Variants in VWF observed in about 807,000 individuals in gnomAD.
VWF encodes the protein von Willebrand factor.
VWF carries 176 observed loss-of-function variants against 308.6 expected under a neutral mutation model. That is an observed-to-expected ratio of 0.57 (90% CI 0.50 to 0.65). The LOEUF (loss-of-function observed/expected upper bound fraction) is 0.65. VWF is among the 30% of genes least tolerant of loss of function. The pLI, the probability that VWF is intolerant of heterozygous loss-of-function variation, is 0.00. For synonymous variants in VWF, 1,385 were observed against 1,443.4 expected, an observed-to-expected ratio of 0.96 and a Z score of 0.92; for missense variants, 3,146 against 3,648.2, an observed-to-expected ratio of 0.86 and a Z score of 3.55.
intron 16 of VWF, among the ~76,000 whole-genome samples, chr12:6,051,757 G>A (rs1591885844): frequency 6.6e-6 from 1 of 152,244 alleles, no homozygotes; most frequent in East Asian, 1.9e-4. Flanking sequence ...CTACAGGTAT[G>A]CACCACCATG....
intron 47 of VWF, among the ~76,000 whole-genome samples, chr12:5,964,024 G>A (rs570524192): frequency 1.6e-3 from 241 of 152,062 alleles, no homozygotes; most frequent in Non-Finnish European, 2.5e-3. Context: ...TGGTTAACAC[G>A]GTGAAACCCC....
intron 5 of VWF, among the ~76,000 whole-genome samples, chr12:6,097,914 T>C (rs904574961): frequency 1.7e-4 from 26 of 152,254 alleles, no homozygotes; most frequent in Non-Finnish European, 3.4e-4. Context: ...GGAGGCTTCA[T>C]GTTGTTGCCT....
In VWF at chr12:6,103,545, TACACACACACACACACAC is replaced by T. The variant is rs139889348; in HGVS notation, c.532+6811_532+6828del. Among the ~76,000 whole-genome samples the T allele has an allele frequency of 1.0e-3, 129 of 124,196 alleles. 7 individuals carry two copies. Among genetic ancestry groups the T allele is most frequent in the African/African-American group, 4.4e-3 (125 of 28,638 alleles). The allele number at this position is 124,196 out of a possible 152,430, so 81.5% of individuals were successfully genotyped here. On this transcript the variant is annotated intron_variant, in intron 5 of 51. Transcript: ENST00000261405. ...ATATGTGTATATACACATATATGTA[TACACACACACACACACAC>T]ACACACACACACACACACACAGATC...
chr12:6,075,480 G>A lies in VWF; in HGVS notation c.729C>T (p.Pro243=), dbSNP rs754315625. Reference sequence around the variant, plus strand: ...TCTCACACAGGGCCACAAAAGGCTCGGGGTCCACCAGAGGGTGGCAGCGGG... The same window carrying A: ...TCTCACACAGGGCCACAAAAGGCTCAGGGTCCACCAGAGGGTGGCAGCGGG... ...VFARCHPLVD[P]EPFVALCEKT... is the part of the protein sequence containing the mutation. Residue 243 remains proline, a synonymous_variant, in exon 7 of 52, where the codon CCC becomes CCT. Coordinates refer to ENST00000261405, the MANE Select transcript of VWF (RefSeq NM_000552.5). The surrounding 1 kb of genome is among the most constrained non-coding windows in gnomAD (Gnocchi z 4.7). 1.4e-5 allele frequency: 23 copies of A among 1,614,048 alleles called. No individual in the cohort carries two copies. The Middle Eastern group carries it at 6.6e-4, about 46-fold the overall frequency.
chr12:5,970,386 G>A (rs935452479), intron 44 of VWF, among the ~76,000 whole-genome samples: 2 of 152,142 alleles, frequency 1.3e-5, no homozygotes, highest in African/African-American at 4.8e-5. Flanking sequence ...CACTGATGAG[G>A]GGCAGGGTGG....
intron 47 of VWF, among the ~76,000 whole-genome samples, chr12:5,960,269 T>C (rs1025938526): frequency 6.6e-6 from 1 of 151,878 alleles, no homozygotes; most frequent in Non-Finnish European, 1.5e-5. Flanking sequence ...CCAACTTAAA[T>C]ACACGGATAA....
intron 3 of VWF, among the ~76,000 whole-genome samples, chr12:6,118,222 G>A (rs1796473648): frequency 6.6e-6 from 1 of 151,994 alleles, no homozygotes; most frequent in Non-Finnish European, 1.5e-5. Context: ...CTGTGCCTGG[G>A]ACTAAGGTAT....
At chr12:6,023,889 G>T in intron 24 of VWF, 102 bp from the exon 25 acceptor site, 2 of 1,361,368 alleles carry the variant, frequency 1.5e-6, no homozygotes, top group East Asian at 2.4e-5. Context: ...TAAGGATAAG[G>T]GGGTCCAGGT....
chr12:6,073,086 C>T (rs1163238248), intron 8 of VWF, among the ~76,000 whole-genome samples: 1 of 152,134 alleles, frequency 6.6e-6, no homozygotes, highest in Non-Finnish European at 1.5e-5. Context: ...AGGCTGGTCT[C>T]AAACTCCTGA....
At chr12:5,982,063 G>C (rs1157739883) in intron 41 of VWF, 72 bp from the exon 42 acceptor site, 1 of 1,465,660 alleles carries the variant, frequency 6.8e-7, no homozygotes, top group Admixed American at 1.8e-5. Flanking sequence ...TATGCTATAG[G>C]GTGCCAGGGA....
intron 17 of VWF, 103 bp from the exon 18 acceptor site, chr12:6,044,554 A>G: frequency 6.9e-7 from 1 of 1,449,854 alleles, no homozygotes; most frequent in Non-Finnish European, 9.4e-7. Flanking sequence ...AATTCAAGAG[A>G]CTCAGAGTTG....
intron 34 of VWF, among the ~76,000 whole-genome samples, chr12:6,005,501 A>G (rs557639588): frequency 6.6e-6 from 1 of 152,314 alleles, no homozygotes; most frequent in Admixed American, 6.5e-5. Flanking sequence ...GAAAATAGAC[A>G]TCCAGCTTCA....
intron 19 of VWF, 94 bp downstream of exon 19, chr12:6,036,294 G>T: frequency 9.4e-7 from 1 of 1,069,072 alleles, no homozygotes; most frequent in Non-Finnish European, 1.4e-6. Context: ...CCCACAGGGG[G>T]CTGGAGGCAA....
intron 13 of VWF, among the ~76,000 whole-genome samples, chr12:6,059,547 G>T (rs1177526628): frequency 6.6e-6 from 1 of 152,178 alleles, no homozygotes; most frequent in Admixed American, 6.5e-5. Context: ...AGCAGATTTG[G>T]TGTCTGGTGA....
At position 6,023,753 on chromosome 12, in the gene VWF, T is replaced by C; in HGVS notation, c.3257A>G (p.Tyr1086Cys). The stretch of plus-strand genomic sequence containing the variant: ...AATGGACTCACAGGAGCAGGTGTCG[T>C]AAATGCAGACATCCAGATATGGCTC... ...DPEPYLDVCIYDTCSCESIGD... is the reference protein window; with the variant it reads ...DPEPYLDVCICDTCSCESIGD... The change falls in exon 25 of 52, where the codon TAC becomes TGC. Residue 1086 changes from tyrosine (Y) to cysteine (C), a missense_variant. Tyr to Cys is a radical substitution (Grantham distance 194). Around this residue, in one of 3 missense-constraint regions of VWF, gnomAD observed 853 missense variants for 1,177.8 expected, o/e 0.72. Coordinates refer to ENST00000261405, the MANE Select transcript of VWF (RefSeq NM_000552.5). 1 of 1,612,990 alleles carries C rather than the reference T, an allele frequency of 6.2e-7. No individual in the cohort carries two copies. Among genetic ancestry groups the C allele is most frequent in the Non-Finnish European group, 8.5e-7 (1 of 1,179,996 alleles).
At position 5,993,874 on chromosome 12, in the gene VWF, G is replaced by T. The variant is rs980083309; in HGVS notation, c.6586C>A (p.Pro2196Thr). Reference sequence around the variant, plus strand: ...CTTGGAGACTCACCACAGAAATCAGGTGTCCTCCAGTCAACGCAGACCCCG... The same window carrying T: ...CTTGGAGACTCACCACAGAAATCAGTTGTCCTCCAGTCAACGCAGACCCCG... ...TNGVCVDWRT[P>T]DFCAMSCPPS... Residue 2196 changes from proline (P) to threonine (T), a missense_variant, in exon 37 of 52, where the codon CCT (proline) becomes ACT (threonine). Coordinates refer to ENST00000261405, the MANE Select transcript of VWF (RefSeq NM_000552.5). 6.2e-7 allele frequency: 1 copy of T among 1,613,048 alleles called. No individual in the cohort carries two copies. Among genetic ancestry groups the T allele is most frequent in the Admixed American group, 1.7e-5 (1 of 59,974 alleles).
intron 6 of VWF, among the ~76,000 whole-genome samples, chr12:6,093,936 T>C (rs570455630): frequency 6.6e-6 from 1 of 152,212 alleles, no homozygotes; most frequent in African/African-American, 2.4e-5. Context: ...AAGGCTACCT[T>C]GTAAGTGGCA....
chr12:6,072,321 C>G lies in VWF; in HGVS notation c.1109+10G>C. On this transcript the variant is annotated intron_variant, in intron 9 of 51. Coordinates refer to ENST00000261405, the MANE Select transcript of VWF (RefSeq NM_000552.5). ...AGGTCTCCCAGAGCACGCTGCGCAGCCCCCATTACCAGGTGTTGCAGTCTC... is the reference window on the plus strand; with the variant it reads ...AGGTCTCCCAGAGCACGCTGCGCAGGCCCCATTACCAGGTGTTGCAGTCTC... 6.2e-7 allele frequency: 1 copy of G among 1,613,330 alleles called. No homozygotes were observed. The highest frequency in any genetic ancestry group is 2.2e-5 in the East Asian group (1 of 44,856).
chr12:6,054,687 G>A (rs979173469), intron 15 of VWF, among the ~76,000 whole-genome samples: 2 of 152,080 alleles, frequency 1.3e-5, no homozygotes, highest in South Asian at 4.1e-4. Context: ...ATTTGCAAGA[G>A]GAAAAAAAAT....
Sources: gnomAD v4.1 joint callset for allele counts (sites outside exome capture counted in the v4.1 genomes callset) on GRCh38, gnomAD v4.1.1 for gene constraint, gnomAD v4.1.1 regional missense constraint, Gnocchi (gnomAD v3.1) non-coding constraint, MANE v1.5 for transcripts, NCBI Gene and HGNC (gene_info 2026-07-23, HGNC 2026-07-21) for gene names.